Variants in ERP27 observed in about 807,000 individuals in gnomAD.
The protein encoded by ERP27 is endoplasmic reticulum protein 27, also known as endoplasmic reticulum resident protein 27.
A neutral mutation model predicts 27.7 loss-of-function variants in ERP27; 23 were observed. The observed-to-expected ratio is 0.83, with a 90% CI of 0.60 to 1.18. The LOEUF is 1.18. Among genes scored for constraint, ERP27 ranks in the 50% most tolerant of loss-of-function variants. The probability of loss-of-function intolerance (pLI) is 0.00; values close to 1 mark genes in which losing one functional copy is unlikely to be tolerated. For missense variants in ERP27, 363 were observed against 327.9 expected (o/e 1.11, Z -0.83); for synonymous variants, 159 against 118.3 (o/e 1.34, Z -2.23).
intron 3 of ERP27, among the ~76,000 whole-genome samples, chr12:14,933,202 C>T (rs1863722547): frequency 6.6e-6 from 1 of 152,102 alleles, no homozygotes. Context: ...ACAGTCTTTG[C>T]CTTCACATAG....
Position 14,938,412 on chromosome 12 carries a change from T to A in ERP27, c.94+3A>T. 7 of 1,614,152 alleles carry A rather than the reference T, an allele frequency of 4.3e-6. No individual in the cohort carries two copies. The highest frequency in any genetic ancestry group is 5.9e-6 in the Non-Finnish European group (7 of 1,179,978). ...TAGCCACCCAACTACATTTTTCTTTTACCTGAGGATTTCTCAACTTCTGCA... is the reference window on the plus strand; with the variant it reads ...TAGCCACCCAACTACATTTTTCTTTAACCTGAGGATTTCTCAACTTCTGCA... On this transcript the variant is annotated splice_donor_region_variant and intron_variant, in intron 1 of 6. Coordinates refer to ENST00000266397, the MANE Select transcript of ERP27 (RefSeq NM_152321.4).
At position 14,934,904 on chromosome 12, in the gene ERP27, A is replaced by G; in HGVS notation, c.285T>C (p.Val95=). 6.2e-7 allele frequency: 1 copy of G among 1,614,192 alleles called. No individual in the cohort carries two copies. The highest frequency in any genetic ancestry group is 1.6e-4 in the Middle Eastern group (1 of 6,062). Residue 95 remains valine (V), a synonymous_variant, in exon 3 of 7, where the codon GTT becomes GTC. Transcript: ENST00000266397. ...TCCCAGTGATGTTGTAGTGTGTCAGAACCTCAGAATCAGTGCTGATCCCAA... is the reference window on the plus strand; with the variant it reads ...TCCCAGTGATGTTGTAGTGTGTCAGGACCTCAGAATCAGTGCTGATCCCAA... The part of the protein sequence containing the change: ...VSFGISTDSE[V]LTHYNITGNT...
At chr12:14,938,125 AC>A in intron 1 of ERP27, 73 bp from the exon 2 acceptor site, 1 of 1,222,306 alleles carries the variant, frequency 8.2e-7, no homozygotes, top group Middle Eastern at 1.9e-4. Context: ...GGGCATCTAT[AC>A]CTTTTATCTC....
At chr12:14,933,425 G>T (rs1474971160) in intron 3 of ERP27, among the ~76,000 whole-genome samples, 1 of 152,038 alleles carries the variant, frequency 6.6e-6, no homozygotes. Flanking sequence ...CCTAAAAAGG[G>T]TTCATTGAGT....
At chr12:14,932,346 T>C (rs1863709208) in intron 3 of ERP27, among the ~76,000 whole-genome samples, 2 of 152,194 alleles carry the variant, frequency 1.3e-5, no homozygotes, top group Admixed American at 1.3e-4. Flanking sequence ...ATTCCTGAAC[T>C]GATTCACTGG....
intron 3 of ERP27, among the ~76,000 whole-genome samples, chr12:14,924,708 G>A (rs1448314732): frequency 6.6e-6 from 1 of 152,164 alleles, no homozygotes; most frequent in Non-Finnish European, 1.5e-5. Flanking sequence ...TTGAGCCAGA[G>A]CAACTCCATC....
intron 5 of ERP27, 129 bp downstream of exon 5, chr12:14,917,049 C>A (rs1004207335): frequency 5.9e-6 from 6 of 1,021,360 alleles, no homozygotes; most frequent in Non-Finnish European, 8.7e-6. Context: ...TTATTATGTC[C>A]TACTTCTTGC....
chr12:14,920,324 A>G (rs1863481920), intron 4 of ERP27, among the ~76,000 whole-genome samples: 1 of 152,180 alleles, frequency 6.6e-6, no homozygotes, highest in South Asian at 2.1e-4. Context: ...TAGTCAAAGC[A>G]TGGTTTGCAG....
At chr12:14,930,261 C>A (rs1439432534) in intron 3 of ERP27, among the ~76,000 whole-genome samples, 2 of 152,126 alleles carry the variant, frequency 1.3e-5, no homozygotes, top group Non-Finnish European at 2.9e-5. Flanking sequence ...AGTTTATTCT[C>A]ATGCACGAGT....
chr12:14,931,894 G>C (rs1456707235), intron 3 of ERP27, among the ~76,000 whole-genome samples: 2 of 152,048 alleles, frequency 1.3e-5, no homozygotes, highest in Non-Finnish European at 2.9e-5. Flanking sequence ...ATTTCTACCA[G>C]TGGTTCAATG....
At chr12:14,932,551 C>G (rs1431953667) in intron 3 of ERP27, among the ~76,000 whole-genome samples, 1 of 152,192 alleles carries the variant, frequency 6.6e-6, no homozygotes, top group Non-Finnish European at 1.5e-5. Flanking sequence ...GGCAGTGGGG[C>G]AGGCCAGCAA....
At chr12:14,923,073 CAAAA>C (rs34941606) in intron 3 of ERP27, among the ~76,000 whole-genome samples, 71 of 126,770 alleles carry the variant, frequency 5.6e-4, no homozygotes, top group African/African-American at 1.7e-3. Context: ...AACTCTGTCT[CAAAA>C]AAAAAAAAAA....
At chr12:14,936,347 C>A (rs953032570) in intron 2 of ERP27, among the ~76,000 whole-genome samples, 2 of 152,180 alleles carry the variant, frequency 1.3e-5, no homozygotes, top group African/African-American at 4.8e-5. Flanking sequence ...AACTCTGCAG[C>A]CCAGGCCTGC....
At chr12:14,920,577 G>A (rs1230727307) in intron 4 of ERP27, among the ~76,000 whole-genome samples, 1 of 152,104 alleles carries the variant, frequency 6.6e-6, no homozygotes, top group African/African-American at 2.4e-5. Flanking sequence ...TCGCTATGTT[G>A]CCCAGGCTGG....
Position 14,920,945 on chromosome 12 carries a change from T to G in ERP27, c.437A>C (p.Glu146Ala). 1.2e-6 allele frequency: 2 copies of G among 1,613,464 alleles called. No homozygotes were observed. The highest frequency in any genetic ancestry group is 1.7e-6 in the Non-Finnish European group (2 of 1,179,354). ...IEINSLHMVT[E>A]YNPVTVIGLF... ...AGTATTGTTTACCACAGGGTTGTAC[T>G]CTGTCACCATGTGGAGGCTGTTGAT... Residue 146 changes from glutamate (E) to alanine (A), a missense_variant, in exon 4 of 7, where the codon GAG (glutamate) becomes GCG (alanine). Coordinates refer to ENST00000266397, the MANE Select transcript of ERP27 (RefSeq NM_152321.4).
intron 3 of ERP27, among the ~76,000 whole-genome samples, chr12:14,924,076 A>G (rs1379044451): frequency 6.6e-6 from 1 of 151,882 alleles, no homozygotes; most frequent in Non-Finnish European, 1.5e-5. Flanking sequence ...TGTGCTCTCT[A>G]CTTCTATAGA....
intron 3 of ERP27, among the ~76,000 whole-genome samples, chr12:14,924,863 A>C (rs1863573092): frequency 6.6e-6 from 1 of 152,238 alleles, no homozygotes; most frequent in Non-Finnish European, 1.5e-5. Context: ...GTTGCAGTGA[A>C]GAAGCTGGCC....
intron 5 of ERP27, among the ~76,000 whole-genome samples, chr12:14,916,124 C>G (rs1405387648): frequency 5.3e-5 from 8 of 152,078 alleles, no homozygotes; most frequent in Non-Finnish European, 5.9e-5. Flanking sequence ...TCCCATAACA[C>G]AAGTTCAACT....
chr12:14,928,221 A>G (rs1342778610), intron 3 of ERP27, among the ~76,000 whole-genome samples: 2 of 152,066 alleles, frequency 1.3e-5, no homozygotes, highest in Non-Finnish European at 2.9e-5. Context: ...TTTTTCCCCA[A>G]GGTACTTTCT....
Sources: allele counts gnomAD v4.1 joint callset (sites outside exome capture counted in the v4.1 genomes callset), GRCh38; gene constraint gnomAD v4.1.1; transcripts MANE v1.5; gene names NCBI Gene and HGNC (gene_info 2026-07-23, HGNC 2026-07-21).